The following CNDP1 variants were observed in gnomAD, a reference collection of about 807,000 sequenced individuals.
The protein encoded by CNDP1 is beta-Ala-His dipeptidase.
Under a neutral mutation model 58.1 loss-of-function variants are expected in CNDP1, and 44 were observed. That is an observed-to-expected ratio of 0.76 (90% CI 0.60 to 0.97). The LOEUF is 0.97. Ranked by LOEUF, CNDP1 falls within the 50% of genes least tolerant of loss-of-function variation. The probability of loss-of-function intolerance (pLI) is 0.00; values close to 1 mark genes in which losing one functional copy is unlikely to be tolerated. For missense variants in CNDP1, 616 were observed against 655.1 expected (o/e 0.94, Z 0.65); for synonymous variants, 254 against 252.6 (o/e 1.01, Z -0.05).
At position 74,585,212 on chromosome 18, in the gene CNDP1, G is replaced by C. The variant is rs1981881461; in HGVS notation, c.*650G>C. The C allele has an allele frequency of 6.6e-6, 1 of 151,644 alleles. No homozygotes were observed. Among genetic ancestry groups the C allele is most frequent in the Non-Finnish European group, 1.5e-5 (1 of 67,962 alleles). The allele number at this position is 151,644 out of a possible 1,614,324, so 9.4% of individuals were successfully genotyped here. ...ATGAGTATTTTTTTTTTTATTCCAA[G>C]CTTCTTTACCTTTCCTGAGATCGAT... On this transcript the variant is annotated 3_prime_UTR_variant, in exon 12 of 12. Transcript: ENST00000358821.
intron 1 of CNDP1, among the ~76,000 whole-genome samples, chr18:74,546,181 T>C (rs2346064): frequency 0.39 from 58,929 of 152,134 alleles, 12,401 homozygotes; most frequent in African/African-American, 0.56. Flanking sequence ...TTCTAGATGA[T>C]GGAAGGTTCC....
chr18:74,575,224 G>A (rs1981599887), intron 7 of CNDP1, among the ~76,000 whole-genome samples: 1 of 152,226 alleles, frequency 6.6e-6, no homozygotes, highest in Non-Finnish European at 1.5e-5. Flanking sequence ...CAGCAATAGG[G>A]AAGGCTGCTT....
chr18:74,570,789 G>GA (rs1240990306), intron 6 of CNDP1, among the ~76,000 whole-genome samples: 1 of 152,190 alleles, frequency 6.6e-6, no homozygotes, highest in Non-Finnish European at 1.5e-5. Context: ...AAGAAAAGAA[G>GA]AAAGAGAAGA....
At chr18:74,572,973 C>G (rs1210504203) in intron 7 of CNDP1, among the ~76,000 whole-genome samples, 1 of 152,130 alleles carries the variant, frequency 6.6e-6, no homozygotes, top group Admixed American at 6.5e-5. Context: ...TTGGGAGGAT[C>G]TTCTCAAGGT....
chr18:74,556,353 G>A lies in CNDP1; in HGVS notation c.40G>A (p.Ala14Thr), dbSNP rs866555284. 6.3e-7 allele frequency: 1 copy of A among 1,579,450 alleles called. No homozygotes were observed. Among genetic ancestry groups the A allele is most frequent in the Middle Eastern group, 1.7e-4 (1 of 5,988 alleles). The change falls in exon 2 of 12, where the codon GCT (alanine) becomes ACT (threonine). Residue 14 changes from alanine to threonine, a missense_variant. Ala to Thr is a moderately conservative substitution (Grantham distance 58). Coordinates refer to ENST00000358821, the MANE Select transcript of CNDP1 (RefSeq NM_032649.6). ...ACCCTTCCAGGCTGCGTCCCTGCTG[G>A]CTGTGCTGCTGCTGCTGCTGGAGCG... The part of the protein sequence containing the change: ...KLGRMAASLL[A>T]VLLLLLERGM...
intron 3 of CNDP1, among the ~76,000 whole-genome samples, chr18:74,560,655 G>A (rs1420854477): frequency 1.3e-5 from 2 of 151,932 alleles, no homozygotes; most frequent in African/African-American, 2.4e-5. Flanking sequence ...CTGCGCTCCA[G>A]CCTGGGCGAC....
rs76180698 is a variant in CNDP1 at position 74,583,972 on chromosome 18, T to G, written c.1457+264T>G. ...GGGTTAGGTGGTTCTGGTGTCTCTC[T>G]TTTTATAAGAGCACCAGACCCATTG... On this transcript the variant is annotated intron_variant, in intron 11 of 11. Coordinates refer to ENST00000358821, the MANE Select transcript of CNDP1 (RefSeq NM_032649.6). 842 of 449,192 alleles carry G rather than the reference T, an allele frequency of 1.9e-3. 9 individuals are homozygous for G. The highest frequency in any genetic ancestry group is 0.015 in the African/African-American group (786 of 50,954). The allele number at this position is 449,192 out of a possible 1,614,324, so 27.8% of individuals were successfully genotyped here.
chr18:74,534,594 G>T lies in CNDP1; in HGVS notation c.-74G>T, dbSNP rs1980436786. 6.6e-7 allele frequency: 1 copy of T among 1,507,088 alleles called. No individual in the cohort carries two copies. The highest frequency in any genetic ancestry group is 9.2e-7 in the Non-Finnish European group (1 of 1,083,588). 93.4% of individuals were successfully genotyped at this position (1,507,088 alleles called of 1,614,324 possible). ...AGATATTTAATGTCACCCTCTTGGGGCTTTCATGGGACTCCCTCTGCCACA... is the reference window on the plus strand; with the variant it reads ...AGATATTTAATGTCACCCTCTTGGGTCTTTCATGGGACTCCCTCTGCCACA... On this transcript the variant is annotated 5_prime_UTR_variant, in exon 1 of 12. Transcript: ENST00000358821.
intron 9 of CNDP1, among the ~76,000 whole-genome samples, chr18:74,578,708 C>G (rs910534854): frequency 2.0e-5 from 3 of 152,154 alleles, no homozygotes; most frequent in Admixed American, 1.3e-4. Flanking sequence ...CCATTTGAAA[C>G]TAGTGTGCTA....
chr18:74,550,268 A>T (rs1314886149), intron 1 of CNDP1, among the ~76,000 whole-genome samples: 2 of 152,236 alleles, frequency 1.3e-5, no homozygotes, highest in African/African-American at 4.8e-5. Context: ...CTTGCAGCAA[A>T]GTGCCCTGGA....
intron 7 of CNDP1, among the ~76,000 whole-genome samples, chr18:74,572,328 G>C (rs1233659834): frequency 6.6e-6 from 1 of 152,106 alleles, no homozygotes; most frequent in Non-Finnish European, 1.5e-5. Context: ...TTAAACTCCA[G>C]GGGCCTCACT....
intron 4 of CNDP1, chr18:74,561,270 G>T: frequency 5.4e-6 from 2 of 370,334 alleles, no homozygotes; most frequent in Non-Finnish European, 1.0e-5. Flanking sequence ...CAAAAAAATA[G>T]CTGGGCATGG....
rs745581813 is a variant in CNDP1, at chr18:74,560,954, C to A, written c.402C>A (p.Asp134Glu). The A allele has an allele frequency of 1.2e-6, 2 of 1,614,030 alleles. No homozygotes were observed. The highest frequency in any genetic ancestry group is 1.7e-6 in the Non-Finnish European group (2 of 1,180,024). ...CCGTGTGCTTCTACGGCCACTTGGA[C>A]GTGCAGCCTGCTGACCGGGGCGATG... ...KGTVCFYGHL[D>E]VQPADRGDGW... Residue 134 changes from aspartate to glutamate, a missense_variant, in exon 4 of 12, where the codon GAC becomes GAA. Physicochemically the swap from Asp to Glu is conservative, Grantham distance 45. Coordinates refer to ENST00000358821, the MANE Select transcript of CNDP1 (RefSeq NM_032649.6).
intron 7 of CNDP1, among the ~76,000 whole-genome samples, chr18:74,573,461 T>TATCTATGTATCTATCC (rs1981550103): frequency 2.0e-5 from 3 of 152,240 alleles, no homozygotes; most frequent in Non-Finnish European, 4.4e-5. Context: ...TGTATCTATC[T>TATCTATGTATCTATCC]ATCTATCTAT....
At chr18:74,551,751 G>T (rs949652993) in intron 1 of CNDP1, among the ~76,000 whole-genome samples, 1 of 151,964 alleles carries the variant, frequency 6.6e-6, no homozygotes, top group African/African-American at 2.4e-5. Context: ...AACAATCATT[G>T]TTTTCATATT....
At chr18:74,546,289 C>T (rs9949990) in intron 1 of CNDP1, among the ~76,000 whole-genome samples, 8,030 of 152,140 alleles carry the variant, frequency 0.053, 484 homozygotes, top group African/African-American at 0.15. Flanking sequence ...TGTCTGAAGG[C>T]GCATTGTTCC....
Position 74,560,942 on chromosome 18 carries a change from C to T in CNDP1, c.390C>T (p.Tyr130=), listed in dbSNP as rs145689006. The T allele has an allele frequency of 2.0e-3, 3,247 of 1,614,180 alleles. 75 individuals are homozygous for T. The South Asian group carries it at 0.031, about 15-fold the overall frequency. Residue 130 remains tyrosine (Y), a synonymous_variant, in exon 4 of 12, where the codon TAC becomes TAT. Transcript: ENST00000358821. ...CCACGAAAGGCACCGTGTGCTTCTA[C>T]GGCCACTTGGACGTGCAGCCTGCTG... is the stretch of plus-strand genomic sequence containing the variant. ...SDPTKGTVCF[Y]GHLDVQPADR...
intron 11 of CNDP1, chr18:74,584,028 C>A (rs1188000396): frequency 3.0e-6 from 1 of 335,966 alleles, no homozygotes; most frequent in East Asian, 6.1e-5. Flanking sequence ...CCTCATTTAA[C>A]CTTTATTATC....
intron 1 of CNDP1, among the ~76,000 whole-genome samples, chr18:74,554,319 A>G (rs192288200): frequency 1.3e-5 from 2 of 152,350 alleles, no homozygotes; most frequent in East Asian, 3.9e-4. Context: ...GACAGAAGGT[A>G]GAACAGCCTG....
Sources: gnomAD v4.1 joint callset for allele counts (sites outside exome capture counted in the v4.1 genomes callset) on GRCh38, gnomAD v4.1.1 for gene constraint, MANE v1.5 for transcripts, NCBI Gene and HGNC (gene_info 2026-07-23, HGNC 2026-07-21) for gene names.